TPD52L1: variants seen among roughly 807,000 people sequenced by gnomAD.
The protein encoded by TPD52L1 is TPD52 like 1.
In TPD52L1, 18 loss-of-function variants were observed where a neutral mutation model predicts 28.7. The ratio of observed to expected loss-of-function variants is 0.63; its 90% CI spans 0.43 to 0.93. The LOEUF is 0.93. Among genes scored for constraint, TPD52L1 ranks in the 40% least tolerant of loss-of-function variants. TPD52L1 has a pLI of 0.00. For missense variants in TPD52L1, 203 were observed against 254.8 expected (o/e 0.80, Z 1.39); for synonymous variants, 75 against 88.8 (o/e 0.84, Z 0.88).
chr6:125,216,527 GTGTATATATATATATATA>G lies in TPD52L1; in HGVS notation c.20-3549_20-3532del, dbSNP rs1248785989. 9.8e-3 allele frequency among the ~76,000 whole-genome samples: 394 copies of G among 40,184 alleles called. 4 individuals carry two copies. Among genetic ancestry groups the G allele is most frequent in the South Asian group, 0.046 (30 of 656 alleles). The allele number at this position is 40,184 out of a possible 152,430, so 26.4% of individuals were successfully genotyped here. A position where few individuals can be genotyped will look rare whatever the true frequency, so the allele number is the denominator to read the frequency against. The stretch of plus-strand genomic sequence containing the variant: ...TTGCAACAGTAAATTCAGTATGTGT[GTGTATATATATATATATA>G]TATATATATATATATATATATATAT... On this transcript the variant is annotated intron_variant, in intron 1 of 6. Coordinates refer to ENST00000534000, the MANE Select transcript of TPD52L1 (RefSeq NM_003287.4).
At chr6:125,206,654 G>T (rs141688201) in intron 1 of TPD52L1, among the ~76,000 whole-genome samples, 242 of 152,338 alleles carry the variant, frequency 1.6e-3, no homozygotes, top group African/African-American at 5.5e-3. Context: ...CTTACAGCCA[G>T]CTATGGAGGA....
chr6:125,220,078 G>C lies in TPD52L1; in HGVS notation c.20G>C (p.Gly7Ala). 1 of 1,611,070 alleles carries C rather than the reference G, an allele frequency of 6.2e-7. No individual in the cohort carries two copies. Among genetic ancestry groups the C allele is most frequent in the Non-Finnish European group, 8.5e-7 (1 of 1,177,374 alleles). Reference protein sequence around the residue: MEAQAQGLLETEPLQGT... With the variant: MEAQAQALLETEPLQGT... Reference sequence around the variant, plus strand: ...TCTGTTTTATCAATTCTGCCTAAAGGTTTGTTGGAGACTGAACCGTTGCAA... The same window carrying C: ...TCTGTTTTATCAATTCTGCCTAAAGCTTTGTTGGAGACTGAACCGTTGCAA... Residue 7 changes from glycine (G) to alanine (A), a missense_variant and splice_region_variant, in exon 2 of 7, where the codon GGT (glycine) becomes GCT (alanine). By Grantham distance (60) the Gly-to-Ala change is moderately conservative (BLOSUM62 0). Coordinates refer to ENST00000534000, the MANE Select transcript of TPD52L1 (RefSeq NM_003287.4).
chr6:125,172,134 TTC>T (rs1791387318), intron 1 of TPD52L1, among the ~76,000 whole-genome samples: 1 of 77,898 alleles, frequency 1.3e-5, no homozygotes, highest in Non-Finnish European at 2.4e-5. Flanking sequence ...CTTTCTTTCT[TTC>T]TTTCTTTCTT....
At chr6:125,238,545 C>A (rs1255225527) in intron 3 of TPD52L1, among the ~76,000 whole-genome samples, 1 of 151,884 alleles carries the variant, frequency 6.6e-6, no homozygotes, top group Non-Finnish European at 1.5e-5. Context: ...TCCATTATAT[C>A]GTTCTTATGC....
chr6:125,182,929 G>C (rs887631459), intron 1 of TPD52L1, among the ~76,000 whole-genome samples: 1 of 152,276 alleles, frequency 6.6e-6, no homozygotes, highest in South Asian at 2.1e-4. Context: ...CGAATGCAAG[G>C]AATGTTATTT....
chr6:125,180,846 G>A (rs548544963), intron 1 of TPD52L1, among the ~76,000 whole-genome samples: 3 of 152,248 alleles, frequency 2.0e-5, no homozygotes, highest in South Asian at 4.2e-4. Flanking sequence ...TTCCTGCTTC[G>A]GAGGCCCACA....
intron 1 of TPD52L1, among the ~76,000 whole-genome samples, chr6:125,211,392 A>G (rs1794498190): frequency 6.6e-6 from 1 of 152,170 alleles, no homozygotes; most frequent in Admixed American, 6.5e-5. Flanking sequence ...TAATTGCAAG[A>G]CATAATTGAT....
chr6:125,252,177 A>AGAT (rs1562386129), intron 4 of TPD52L1: 3 of 932,934 alleles, frequency 3.2e-6, no homozygotes, highest in Non-Finnish European at 4.8e-6. Flanking sequence ...GTGACCAGGA[A>AGAT]GATAGTTTAT....
chr6:125,216,525 GTGTGTATATATATATATATATATATATA>G (rs1339101201), intron 1 of TPD52L1, among the ~76,000 whole-genome samples: 1 of 104,872 alleles, frequency 9.5e-6, no homozygotes, highest in African/African-American at 4.7e-5. Flanking sequence ...TTCAGTATGT[GTGTGTATATATATATATATATATATATA>G]TATATATATA....
Position 125,153,830 on chromosome 6 carries a change from C to T in TPD52L1, c.-122C>T, listed in dbSNP as rs1789928957. On this transcript the variant is annotated 5_prime_UTR_variant, in exon 1 of 7. Coordinates refer to ENST00000534000, the MANE Select transcript of TPD52L1 (RefSeq NM_003287.4). ...AACCCCCTCCGCGCAGCGCTCGCGA[C>T]ACGCGTGCCAGGAGTGGGAGCGAGC... 1 of 1,170,468 alleles carries T rather than the reference C, an allele frequency of 8.5e-7. No individual in the cohort carries two copies. Among genetic ancestry groups the T allele is most frequent in the Admixed American group, 2.8e-5 (1 of 35,766 alleles). 72.5% of individuals were successfully genotyped at this position (1,170,468 alleles called of 1,614,324 possible).
intron 1 of TPD52L1, among the ~76,000 whole-genome samples, chr6:125,194,099 T>A (rs1405119705): frequency 2.6e-5 from 4 of 151,558 alleles, no homozygotes; most frequent in Admixed American, 1.3e-4. Flanking sequence ...TAGTTTCTAA[T>A]AGTAGTGGAC....
At chr6:125,184,682 T>C (rs1792468295) in intron 1 of TPD52L1, among the ~76,000 whole-genome samples, 1 of 152,172 alleles carries the variant, frequency 6.6e-6, no homozygotes, top group Admixed American at 6.5e-5. Flanking sequence ...TACAATTATT[T>C]GTGAAGGGAA....
chr6:125,233,585 A>C (rs183480798), intron 3 of TPD52L1, among the ~76,000 whole-genome samples: 17 of 152,364 alleles, frequency 1.1e-4, no homozygotes, highest in African/African-American at 3.8e-4. Flanking sequence ...TGTTCTGATA[A>C]CATATTTAGG....
chr6:125,216,936 A>G (rs1435698877), intron 1 of TPD52L1, among the ~76,000 whole-genome samples: 2 of 152,178 alleles, frequency 1.3e-5, no homozygotes, highest in Non-Finnish European at 2.9e-5. Context: ...CACTTGAGCC[A>G]TATTTTTATT....
chr6:125,165,331 A>C (rs1790822218), intron 1 of TPD52L1, among the ~76,000 whole-genome samples: 1 of 152,116 alleles, frequency 6.6e-6, no homozygotes, highest in African/African-American at 2.4e-5. Flanking sequence ...CAGGGAAGGC[A>C]GGAGAATATT....
At chr6:125,246,184 T>G (rs9321026) in intron 3 of TPD52L1, among the ~76,000 whole-genome samples, 59,129 of 152,060 alleles carry the variant, frequency 0.39, 16,636 homozygotes, top group African/African-American at 0.8. Flanking sequence ...CCAGCTCTAA[T>G]TTAGGTTAAA....
At chr6:125,174,090 G>C (rs1306165840) in intron 1 of TPD52L1, among the ~76,000 whole-genome samples, 3 of 152,176 alleles carry the variant, frequency 2.0e-5, no homozygotes. Context: ...GGCCCTCGAT[G>C]GATCTTGTGA....
At chr6:125,223,197 T>C (rs1208469894) in intron 2 of TPD52L1, among the ~76,000 whole-genome samples, 1 of 152,114 alleles carries the variant, frequency 6.6e-6, no homozygotes, top group African/African-American at 2.4e-5. Context: ...TTCTCTTCCC[T>C]CCCCTCTGTC....
At chr6:125,214,535 T>C (rs1582943130) in intron 1 of TPD52L1, 1 of 769,230 alleles carries the variant, frequency 1.3e-6, no homozygotes, top group Non-Finnish European at 1.6e-6. Context: ...TGGCTTTTGC[T>C]ATGCCAAGAG....
Sources: gnomAD v4.1 joint callset for allele counts (sites outside exome capture counted in the v4.1 genomes callset) on GRCh38, gnomAD v4.1.1 for gene constraint, MANE v1.5 for transcripts, NCBI Gene and HGNC (gene_info 2026-07-23, HGNC 2026-07-21) for gene names.